TRAM2: variants seen among roughly 807,000 people sequenced by gnomAD.
TRAM2 encodes translocation associated membrane protein 2.
In TRAM2, 12 loss-of-function variants were observed where a neutral mutation model predicts 51.0. The ratio of observed to expected loss-of-function variants is 0.24; its 90% confidence interval spans 0.15 to 0.38. The LOEUF (loss-of-function observed/expected upper bound fraction) is 0.38, where lower values mean the gene tolerates loss of function less well. Among genes scored for constraint, TRAM2 ranks in the 10% least tolerant of loss-of-function variants. The pLI is 1.00. For missense variants in TRAM2, 361 were observed against 462.0 expected (o/e 0.78, Z 2.00); for synonymous variants, 175 against 179.4 (o/e 0.98, Z 0.20).
intron 1 of TRAM2, among the ~76,000 whole-genome samples, chr6:52,569,097 T>C (rs1214317838): frequency 1.3e-5 from 2 of 152,144 alleles, no homozygotes; most frequent in African/African-American, 4.8e-5. Context: ...TTCAGAACTA[T>C]GAGAAATAAA....
intron 8 of TRAM2, 110 bp from the exon 9 acceptor site, chr6:52,505,852 G>A (rs969707860): frequency 1.1e-5 from 16 of 1,476,684 alleles, no homozygotes; most frequent in African/African-American, 7.1e-5. Flanking sequence ...GGGTGGCTGG[G>A]GAAAGTGCTT....
At chr6:52,515,705 T>C (rs990598756) in intron 4 of TRAM2, among the ~76,000 whole-genome samples, 10 of 152,168 alleles carry the variant, frequency 6.6e-5, no homozygotes, top group Non-Finnish European at 1.0e-4. Context: ...TGTAAAACAA[T>C]ACAGTATTAT....
intron 1 of TRAM2, among the ~76,000 whole-genome samples, chr6:52,543,184 G>A (rs1486480377): frequency 1.3e-5 from 2 of 151,996 alleles, no homozygotes; most frequent in Non-Finnish European, 2.9e-5. Context: ...CTAAAAAAAA[G>A]CACTGACTAG....
At chr6:52,567,521 A>G (rs945446630) in intron 1 of TRAM2, among the ~76,000 whole-genome samples, 4 of 152,274 alleles carry the variant, frequency 2.6e-5, no homozygotes, top group African/African-American at 7.2e-5. Context: ...GCAAAGAATG[A>G]CAGAAATGTT....
At chr6:52,569,008 T>TAA (rs1405719103) in intron 1 of TRAM2, among the ~76,000 whole-genome samples, 1 of 152,144 alleles carries the variant, frequency 6.6e-6, no homozygotes, top group Non-Finnish European at 1.5e-5. Context: ...GTTTGATGTT[T>TAA]AAAGTCTTAA....
intron 3 of TRAM2, 50 bp downstream of exon 3, chr6:52,516,578 C>T: frequency 1.3e-6 from 2 of 1,521,968 alleles, no homozygotes; most frequent in Non-Finnish European, 1.8e-6. Flanking sequence ...GTCCTCCACC[C>T]CAAGGCACCT....
chr6:52,535,514 C>G (rs1766963817), intron 2 of TRAM2, among the ~76,000 whole-genome samples: 1 of 152,122 alleles, frequency 6.6e-6, no homozygotes, highest in Admixed American at 6.5e-5. Flanking sequence ...AATTCCTTCA[C>G]TACTAAGAGT....
At chr6:52,525,973 C>T (rs1766770211) in intron 2 of TRAM2, among the ~76,000 whole-genome samples, 1 of 152,084 alleles carries the variant, frequency 6.6e-6, no homozygotes, top group Non-Finnish European at 1.5e-5. Flanking sequence ...CGACCATTTA[C>T]AAGCCAAGAG....
At chr6:52,554,185 A>G (rs1003592715) in intron 1 of TRAM2, among the ~76,000 whole-genome samples, 1 of 152,064 alleles carries the variant, frequency 6.6e-6, no homozygotes, top group African/African-American at 2.4e-5. Flanking sequence ...TGCTTACTGC[A>G]CCCCTGGGAA....
intron 2 of TRAM2, among the ~76,000 whole-genome samples, chr6:52,532,601 T>A (rs1025252281): frequency 6.6e-6 from 1 of 152,182 alleles, no homozygotes; most frequent in African/African-American, 2.4e-5. Context: ...CCTAAGAAAG[T>A]CATCACAAAT....
At chr6:52,543,932 C>T (rs963264463) in intron 1 of TRAM2, among the ~76,000 whole-genome samples, 1 of 152,200 alleles carries the variant, frequency 6.6e-6, no homozygotes, top group Non-Finnish European at 1.5e-5. Context: ...CCTTCATTTG[C>T]TTGTTTGCTC....
intron 3 of TRAM2, 85 bp downstream of exon 3, chr6:52,516,543 G>C (rs1449365442): frequency 3.6e-6 from 4 of 1,099,890 alleles, no homozygotes; most frequent in Non-Finnish European, 4.2e-6. Flanking sequence ...AATGGGTGCA[G>C]AGCTGCAGTT....
Position 52,516,072 on chromosome 6 carries a change from A to T in TRAM2, c.345T>A (p.Asn115Lys). The stretch of plus-strand genomic sequence containing the variant: ...GAAAGACGACCAGCTGTCCAGATTC[A>T]TTGAACTTGCTGTGTTTGACTTTGG... Reference protein sequence around the residue: ...HLSKVKHSKFNESGQLVVFHF... With the variant: ...HLSKVKHSKFKESGQLVVFHF... The change falls in exon 4 of 11, where the codon AAT (asparagine) becomes AAA (lysine). Residue 115 changes from asparagine to lysine, a missense_variant. Asn to Lys is a moderately conservative substitution (Grantham distance 94). Transcript: ENST00000182527. 6.2e-7 allele frequency: 1 copy of T among 1,614,234 alleles called. No individual in the cohort carries two copies. The highest frequency in any genetic ancestry group is 8.5e-7 in the Non-Finnish European group (1 of 1,180,046).
intron 1 of TRAM2, among the ~76,000 whole-genome samples, chr6:52,556,856 A>T (rs1350571909): frequency 6.7e-6 from 1 of 149,878 alleles, no homozygotes; most frequent in African/African-American, 2.5e-5. Context: ...TGAACCCAGG[A>T]GGCGGAGGTT....
At chr6:52,567,739 A>G (rs1767611922) in intron 1 of TRAM2, among the ~76,000 whole-genome samples, 1 of 152,218 alleles carries the variant, frequency 6.6e-6, no homozygotes, top group Non-Finnish European at 1.5e-5. Flanking sequence ...AGCCAAACCC[A>G]GATTCCTTTC....
intron 1 of TRAM2, among the ~76,000 whole-genome samples, chr6:52,555,959 C>T (rs1399239687): frequency 6.6e-6 from 1 of 152,150 alleles, no homozygotes; most frequent in South Asian, 2.1e-4. Flanking sequence ...ATGTAAAACG[C>T]AAAATCTCTG....
At chr6:52,562,159 C>T (rs534218251) in intron 1 of TRAM2, among the ~76,000 whole-genome samples, 46 of 152,128 alleles carry the variant, frequency 3.0e-4, no homozygotes, top group Admixed American at 1.0e-3. Context: ...ATATGAGATC[C>T]GACAGAATGT....
chr6:52,545,317 G>T (rs1219784750), intron 1 of TRAM2, among the ~76,000 whole-genome samples: 1 of 152,206 alleles, frequency 6.6e-6, no homozygotes, highest in Admixed American at 6.5e-5. Flanking sequence ...TTGGAGCAAG[G>T]TCCAGGAGGC....
chr6:52,528,705 T>C (rs1433053256), intron 2 of TRAM2, among the ~76,000 whole-genome samples: 1 of 152,128 alleles, frequency 6.6e-6, no homozygotes, highest in East Asian at 1.9e-4. Flanking sequence ...TAAAGCCAAC[T>C]GGGATCCTCA....
Sources: gnomAD v4.1 joint callset for allele counts (sites outside exome capture counted in the v4.1 genomes callset) on GRCh38, gnomAD v4.1.1 for gene constraint, MANE v1.5 for transcripts, NCBI Gene and HGNC (gene_info 2026-07-23, HGNC 2026-07-21) for gene names.